CCNH: variants seen among roughly 807,000 people sequenced by gnomAD.
The protein encoded by CCNH is cyclin H, also known as cyclin-H.
CCNH carries 31 observed loss-of-function variants against 41.9 expected under a neutral mutation model. The ratio of observed to expected loss-of-function variants is 0.74; its 90% CI spans 0.56 to 1.00. CCNH has a LOEUF of 1.00. Among genes scored for constraint, CCNH ranks in the 50% least tolerant of loss-of-function variants. The pLI is 0.00. For missense variants in CCNH, 362 were observed against 388.4 expected (o/e 0.93, Z 0.57); for synonymous variants, 138 against 136.1 (o/e 1.01, Z -0.10).
intron 9 of CCNH, among the ~76,000 whole-genome samples, chr5:87,331,922 CAT>C (rs1189714733): frequency 1.4e-4 from 22 of 152,002 alleles, no homozygotes; most frequent in African/African-American, 4.8e-4. Context: ...GTGAAACAGA[CAT>C]ATAAATTTTC....
At chr5:87,362,649 G>C (rs2112457165) in intron 9 of CCNH, 1 of 1,604,888 alleles carries the variant, frequency 6.2e-7, no homozygotes, top group Non-Finnish European at 8.5e-7. Flanking sequence ...ACATTGTTAA[G>C]AAAGGTTATC....
chr5:87,381,109 T>TC (rs1413409931), upstream of CCNH, among the ~76,000 whole-genome samples: 2 of 152,174 alleles, frequency 1.3e-5, no homozygotes, highest in South Asian at 4.1e-4. Flanking sequence ...TAAAGGGACT[T>TC]CATTATCATT....
intron 9 of CCNH, among the ~76,000 whole-genome samples, chr5:87,370,605 G>A (rs1347133749): frequency 6.6e-6 from 1 of 152,146 alleles, no homozygotes; most frequent in East Asian, 1.9e-4. Context: ...GAGTTACAGT[G>A]AGTAAGATCG....
At chr5:87,362,118 G>C (rs1316764826) in intron 9 of CCNH, among the ~76,000 whole-genome samples, 1 of 152,180 alleles carries the variant, frequency 6.6e-6, no homozygotes, top group East Asian at 1.9e-4. Context: ...TGGTACGGTT[G>C]TCTGTATTCA....
rs1760308258 is a variant in CCNH at position 87,363,902 on chromosome 5, AT to A, written c.*90+28867del. 2.0e-5 allele frequency among the ~76,000 whole-genome samples: 3 copies of A among 152,144 alleles called. No homozygotes were observed. The South Asian group carries it at 6.2e-4, about 31-fold the overall frequency. Reference sequence around the variant, plus strand: ...TTCTTAAGAAAGTTAATGTTAAAAAATAATCTTAAAATTGTCTTGATAGGAA... The same window carrying A: ...TTCTTAAGAAAGTTAATGTTAAAAAAAATCTTAAAATTGTCTTGATAGGAA... On this transcript the variant is annotated intron_variant and NMD_transcript_variant, in intron 9 of 9. Transcript: ENST00000645953.
chr5:87,315,795 C>G (rs1756285853), downstream of CCNH, among the ~76,000 whole-genome samples: 1 of 152,068 alleles, frequency 6.6e-6, no homozygotes, highest in Non-Finnish European at 1.5e-5. Context: ...TTAAATACTT[C>G]CTAGGAATTA....
chr5:87,383,678 TAAAAAAAA>T, intron 9 of CCNH: 1 of 1,319,680 alleles, frequency 7.6e-7, no homozygotes, highest in South Asian at 1.3e-5. Context: ...AGGTGTTTTC[TAAAAAAAA>T]AAAAAAAAAA....
intron 9 of CCNH, chr5:87,383,649 T>G: frequency 8.0e-7 from 1 of 1,250,654 alleles, no homozygotes; most frequent in Non-Finnish European, 1.1e-6. Flanking sequence ...ATATATTGTT[T>G]TAATGTAACA....
chr5:87,360,132 T>G (rs1344334832), intron 9 of CCNH, among the ~76,000 whole-genome samples: 2 of 151,720 alleles, frequency 1.3e-5, no homozygotes, highest in Admixed American at 6.6e-5. Context: ...CAGTTTTTTT[T>G]TTTTTTTTTG....
At chr5:87,336,669 A>G (rs1036457388) in intron 9 of CCNH, among the ~76,000 whole-genome samples, 3 of 152,234 alleles carry the variant, frequency 2.0e-5, no homozygotes, top group Non-Finnish European at 4.4e-5. Flanking sequence ...TGAAATTAGA[A>G]ATATCTCTTA....
intron 9 of CCNH, among the ~76,000 whole-genome samples, chr5:87,346,178 T>A (rs1758847081): frequency 6.6e-6 from 1 of 152,062 alleles, no homozygotes; most frequent in African/African-American, 2.4e-5. Context: ...TTCTTGATGG[T>A]GCTATCCACT....
intron 9 of CCNH, among the ~76,000 whole-genome samples, chr5:87,365,773 T>C (rs960107188): frequency 1.3e-5 from 2 of 152,154 alleles, no homozygotes; most frequent in Non-Finnish European, 2.9e-5. Flanking sequence ...AAATTTTTTT[T>C]TAATACTTTG....
downstream of CCNH, chr5:87,374,464 T>G: frequency 3.2e-6 from 1 of 316,472 alleles, no homozygotes; most frequent in Non-Finnish European, 5.1e-6. Context: ...TATATATTTT[T>G]TTTTTTTTTT....
At chr5:87,322,192 C>T (rs751793483) in intron 9 of CCNH, among the ~76,000 whole-genome samples, 1 of 151,978 alleles carries the variant, frequency 6.6e-6, no homozygotes, top group Non-Finnish European at 1.5e-5. Flanking sequence ...CTCCATGGAC[C>T]GGTACCTGTC....
chr5:87,411,369 C>T, intron 1 of CCNH, 23 bp from the exon 2 acceptor site: 1 of 1,583,884 alleles, frequency 6.3e-7, no homozygotes, highest in Non-Finnish European at 8.6e-7. Context: ...AATTACAACA[C>T]AAGTTCAATG....
the CCNH span, among the ~76,000 whole-genome samples, chr5:87,313,250 G>C: frequency 9.2e-3 from 1,396 of 152,302 alleles, 26 homozygotes; most frequent in African/African-American, 0.031. Context: ...GTGGTCTTTA[G>C]CTAATCTAAT....
intron 6 of CCNH, 47 bp downstream of exon 6, chr5:87,401,655 G>T: frequency 1.8e-6 from 2 of 1,139,424 alleles, no homozygotes; most frequent in Non-Finnish European, 2.5e-6. Context: ...TTAGAAAGGA[G>T]CTTTGTATTG....
At chr5:87,336,233 T>C (rs1341426327) in intron 9 of CCNH, among the ~76,000 whole-genome samples, 3 of 152,168 alleles carry the variant, frequency 2.0e-5, no homozygotes, top group Non-Finnish European at 4.4e-5. Flanking sequence ...TAATGAGCTA[T>C]TTTTAAAGGA....
chr5:87,408,733 A>C (rs1447567616), intron 3 of CCNH, among the ~76,000 whole-genome samples: 1 of 152,180 alleles, frequency 6.6e-6, no homozygotes, highest in African/African-American at 2.4e-5. Flanking sequence ...TACTGTAAAA[A>C]ACAGTTGGCA....
Sources: gnomAD v4.1 joint callset for allele counts (sites outside exome capture counted in the v4.1 genomes callset) on GRCh38, gnomAD v4.1.1 for gene constraint, MANE v1.5 for transcripts, NCBI Gene and HGNC (gene_info 2026-07-23, HGNC 2026-07-21) for gene names.